BAAT: variants seen among roughly 807,000 people sequenced by gnomAD.
BAAT encodes bile acid-CoA:amino acid N-acyltransferase, also known as bile acid CoA: amino acid N-acyltransferase (glycine N-choloyltransferase).
A neutral mutation model predicts 18.9 loss-of-function variants in BAAT; 13 were observed. That is an observed-to-expected ratio of 0.69 (90% confidence interval 0.45 to 1.10). The LOEUF (loss-of-function observed/expected upper bound fraction) is 1.10. Among genes scored for constraint, BAAT ranks in the 50% least tolerant of loss-of-function variants. The pLI, the probability that BAAT is intolerant of heterozygous loss-of-function variation, is 0.00. For missense variants in BAAT, 489 were observed against 504.0 expected, an observed-to-expected ratio of 0.97 and a Z score of 0.28; for synonymous variants, 170 against 190.7, an observed-to-expected ratio of 0.89 and a Z score of 0.89.
chr9:101,366,858 TAA>T (rs111934309), intron 3 of BAAT, among the ~76,000 whole-genome samples: 1 of 146,664 alleles, frequency 6.8e-6, no homozygotes. Context: ...CAATTCTTAT[TAA>T]AAAAAAAAAT....
rs1830183370 is a variant in BAAT at position 101,384,977 on chromosome 9, GATGTCACAT to G, written c.-191_-183del. ...AATTTACAGCTGGGCCTCCGGGGGT[GATGTCACAT>G]ATCAGCAGGACCGTGAGGCCCCGAG... is the stretch of plus-strand genomic sequence containing the variant. On this transcript the variant is annotated 5_prime_UTR_variant, in exon 1 of 4. An upstream start codon of the reference 5' UTR is lost. Coordinates refer to ENST00000259407, the MANE Select transcript of BAAT (RefSeq NM_001701.4). Among the ~76,000 whole-genome samples the G allele has an allele frequency of 1.3e-5, 2 of 151,972 alleles. No individual in the cohort carries two copies. Among genetic ancestry groups the G allele is most frequent in the Admixed American group, 1.3e-4 (2 of 15,238 alleles).
At chr9:101,366,790 T>C (rs186242720) in intron 3 of BAAT, among the ~76,000 whole-genome samples, 231 of 152,186 alleles carry the variant, frequency 1.5e-3, no homozygotes, top group Non-Finnish European at 2.4e-3. Flanking sequence ...GCAAACCTGA[T>C]TATATTTTGG....
intron 1 of BAAT, among the ~76,000 whole-genome samples, chr9:101,384,321 A>G (rs888551056): frequency 6.6e-6 from 1 of 152,216 alleles, no homozygotes; most frequent in Non-Finnish European, 1.5e-5. Flanking sequence ...AAAGTCTTAA[A>G]CAGGTACTTA....
chr9:101,365,336 C>T (rs530724390), intron 3 of BAAT, among the ~76,000 whole-genome samples: 1 of 151,412 alleles, frequency 6.6e-6, no homozygotes, highest in South Asian at 2.1e-4. Flanking sequence ...AATCAATATA[C>T]AACTCATGCC....
At chr9:101,367,113 AAAG>A (rs376767535) in intron 3 of BAAT, among the ~76,000 whole-genome samples, 1,898 of 129,860 alleles carry the variant, frequency 0.015, 56 homozygotes, top group African/African-American at 0.049. Context: ...TCTGTCAAAA[AAAG>A]AAAAAAAAAA....
At chr9:101,374,282 T>G (rs1830003031) in intron 1 of BAAT, among the ~76,000 whole-genome samples, 1 of 152,166 alleles carries the variant, frequency 6.6e-6, no homozygotes, top group Non-Finnish European at 1.5e-5. Flanking sequence ...GTCAGATTCT[T>G]AAACTGGACC....
At chr9:101,375,810 T>A (rs944128037) in intron 1 of BAAT, among the ~76,000 whole-genome samples, 27 of 152,250 alleles carry the variant, frequency 1.8e-4, no homozygotes, top group African/African-American at 5.5e-4. Flanking sequence ...TAGCTGCGAT[T>A]CCGGCTTTGC....
At chr9:101,369,043 G>A (rs187939311) in intron 2 of BAAT, among the ~76,000 whole-genome samples, 7 of 152,220 alleles carry the variant, frequency 4.6e-5, no homozygotes. Flanking sequence ...AGGCTGACAC[G>A]TGGTAAAAAG....
chr9:101,375,751 C>T (rs1588143790), intron 1 of BAAT: 1 of 152,426 alleles, frequency 6.6e-6, no homozygotes, highest in East Asian at 1.9e-4. Context: ...CTGGCCCCTC[C>T]TCTTCCTGTG....
chr9:101,370,819 A>G (rs542081749), intron 2 of BAAT, 120 bp downstream of exon 2: 3 of 1,195,876 alleles, frequency 2.5e-6, no homozygotes, highest in East Asian at 2.4e-5. Context: ...TTTAAGGTGG[A>G]AAAACAATAA....
Position 101,371,083 on chromosome 9 carries a change from A to T in BAAT, c.322T>A (p.Tyr108Asn). The T allele has an allele frequency of 6.2e-7, 1 of 1,614,068 alleles. No individual in the cohort carries two copies. The highest frequency in any genetic ancestry group is 2.2e-5 in the East Asian group (1 of 44,866). ...TTGTTCACTATTAACTCTAAGTCAT[A>T]AAGTTTTACTTGGACCTGGAAAGGC... ...NRPFQVQVKL[Y>N]DLELIVNNKV... is the part of the protein sequence containing the mutation. The change falls in exon 2 of 4, where the codon TAT (tyrosine) becomes AAT (asparagine). Residue 108 changes from tyrosine (Y) to asparagine (N), a missense_variant. Physicochemically the swap from Tyr to Asn is moderately radical, Grantham distance 143 (BLOSUM62 -2). Coordinates refer to ENST00000259407, the MANE Select transcript of BAAT (RefSeq NM_001701.4).
intron 3 of BAAT, 60 bp downstream of exon 3, chr9:101,368,060 A>C: frequency 6.5e-7 from 1 of 1,546,874 alleles, no homozygotes; most frequent in Non-Finnish European, 8.9e-7. Flanking sequence ...TTTTAACAAA[A>C]ACAAAAACAG....
intron 1 of BAAT, among the ~76,000 whole-genome samples, chr9:101,371,752 G>T (rs528414804): frequency 2.0e-5 from 3 of 152,212 alleles, no homozygotes; most frequent in African/African-American, 4.8e-5. Context: ...AACACAATCT[G>T]TTATACAGAA....
At chr9:101,376,629 T>C (rs916595666) in intron 1 of BAAT, 1 of 152,142 alleles carries the variant, frequency 6.6e-6, no homozygotes. Context: ...ACTAGAACAG[T>C]CAGCAGAGAA....
intron 1 of BAAT, among the ~76,000 whole-genome samples, chr9:101,377,761 A>G (rs1830071259): frequency 6.6e-6 from 1 of 152,126 alleles, no homozygotes; most frequent in African/African-American, 2.4e-5. Context: ...CCAGGGCAAT[A>G]AGGCAAGAGA....
chr9:101,381,774 G>T (rs150634063), intron 1 of BAAT, among the ~76,000 whole-genome samples: 429 of 152,240 alleles, frequency 2.8e-3, no homozygotes, highest in African/African-American at 0.01. Context: ...TCCTGAGAAT[G>T]ATAATTCAGT....
At position 101,362,976 on chromosome 9, in the gene BAAT, C is replaced by T; in HGVS notation, c.709G>A (p.Gly237Arg). Reference protein sequence around the residue: ...SGVGVVSVCQGVQIGLSMAIY... With the variant: ...SGVGVVSVCQRVQIGLSMAIY... The stretch of plus-strand genomic sequence containing the variant: ...GCCATAGATAGTCCAATCTGTACTC[C>T]TTGACATACAGAGACTACCCCAACG... Residue 237 changes from glycine to arginine, a missense_variant, in exon 4 of 4, where the codon GGA becomes AGA. Coordinates refer to ENST00000259407, the MANE Select transcript of BAAT (RefSeq NM_001701.4). The T allele has an allele frequency of 6.2e-7, 1 of 1,613,976 alleles. No individual in the cohort carries two copies.
chr9:101,378,929 A>G (rs1830088797), intron 1 of BAAT, among the ~76,000 whole-genome samples: 1 of 152,254 alleles, frequency 6.6e-6, no homozygotes, highest in African/African-American at 2.4e-5. Flanking sequence ...GGATATAAAC[A>G]GACACTTCTC....
intron 1 of BAAT, among the ~76,000 whole-genome samples, chr9:101,378,592 A>G (rs2119037343): frequency 6.6e-6 from 1 of 152,338 alleles, no homozygotes; most frequent in Middle Eastern, 3.4e-3. Flanking sequence ...GATGGATTAA[A>G]GACTTAAATG....
Sources: allele counts gnomAD v4.1 joint callset (sites outside exome capture counted in the v4.1 genomes callset), GRCh38; gene constraint gnomAD v4.1.1; transcripts MANE v1.5; gene names NCBI Gene and HGNC (gene_info 2026-07-23, HGNC 2026-07-21).